HACD2: variants seen among roughly 807,000 people sequenced by gnomAD.
HACD2 encodes 3-hydroxyacyl-CoA dehydratase 2.
In HACD2, 15 loss-of-function variants were observed where a neutral mutation model predicts 31.0. The ratio of observed to expected loss-of-function variants is 0.48; its 90% confidence interval spans 0.32 to 0.75. HACD2 has a LOEUF of 0.75. Among genes scored for constraint, HACD2 ranks in the 30% least tolerant of loss-of-function variants. HACD2 has a pLI of 0.03. For missense variants in HACD2, 283 were observed against 313.0 expected (o/e 0.90, Z 0.72); for synonymous variants, 115 against 122.2 (o/e 0.94, Z 0.39).
chr3:123,493,843 A>T lies in HACD2; in HGVS notation c.*1045T>A, dbSNP rs1483527483. 1.3e-5 allele frequency: 2 copies of T among 152,234 alleles called. No individual in the cohort carries two copies. The highest frequency in any genetic ancestry group is 4.8e-5 in the African/African-American group (2 of 41,468). 9.4% of individuals were successfully genotyped at this position (152,234 alleles called of 1,614,324 possible). On this transcript the variant is annotated 3_prime_UTR_variant, in exon 7 of 7. Coordinates refer to ENST00000383657, the MANE Select transcript of HACD2 (RefSeq NM_198402.5). ...CTTATAGCTTGGTGGAAATTAACAT[A>T]GGAAGTTAATTAGCAAAAGTATCCA...
chr3:123,540,397 CTTGT>C (rs1022049209), intron 3 of HACD2, among the ~76,000 whole-genome samples: 1 of 152,172 alleles, frequency 6.6e-6, no homozygotes, highest in African/African-American at 2.4e-5. Context: ...TCCTCACTTG[CTTGT>C]TTACTTTTGA....
At chr3:123,584,539 G>A (rs953974678) in intron 1 of HACD2, 3 of 223,278 alleles carry the variant, frequency 1.3e-5, no homozygotes, top group Non-Finnish European at 2.6e-5. Flanking sequence ...GCTCCGCGCC[G>A]CAGGTAGTCC....
At chr3:123,550,438 G>C (rs1021623227) in intron 3 of HACD2, among the ~76,000 whole-genome samples, 6 of 152,170 alleles carry the variant, frequency 3.9e-5, no homozygotes, top group African/African-American at 7.2e-5. Context: ...AAGAGAAAAG[G>C]GGGAGATTTA....
chr3:123,534,505 G>A, intron 3 of HACD2, among the ~76,000 whole-genome samples: 1 of 151,786 alleles, frequency 6.6e-6, no homozygotes, highest in East Asian at 1.9e-4. Flanking sequence ...ATAAAATATA[G>A]CACAGTACAT....
intron 2 of HACD2, among the ~76,000 whole-genome samples, chr3:123,578,915 A>C (rs1702739569): frequency 6.6e-6 from 1 of 151,806 alleles, no homozygotes; most frequent in Admixed American, 6.6e-5. Flanking sequence ...TAGGCAATGA[A>C]AAACTCCTCA....
chr3:123,537,422 G>C (rs1214386213), intron 3 of HACD2, among the ~76,000 whole-genome samples: 1 of 151,972 alleles, frequency 6.6e-6, no homozygotes, highest in African/African-American at 2.4e-5. Flanking sequence ...TTAAAAAATA[G>C]CCGGGCATGG....
chr3:123,584,740 C>T (rs995496632), intron 1 of HACD2, 133 bp downstream of exon 1: 42 of 651,532 alleles, frequency 6.4e-5, no homozygotes, highest in Non-Finnish European at 9.4e-5. Flanking sequence ...GCCCAGGTAC[C>T]GGGTCCCGGG....
At chr3:123,554,728 T>C (rs764909212) in intron 3 of HACD2, among the ~76,000 whole-genome samples, 8 of 152,098 alleles carry the variant, frequency 5.3e-5, no homozygotes, top group African/African-American at 1.2e-4. Flanking sequence ...ATTAAAGTGA[T>C]TGATTAAGGG....
At chr3:123,529,874 G>A (rs755030102) in intron 3 of HACD2, among the ~76,000 whole-genome samples, 2 of 151,944 alleles carry the variant, frequency 1.3e-5, no homozygotes, top group Admixed American at 6.6e-5. Flanking sequence ...ACACTTAGAT[G>A]GGACAATATG....
chr3:123,536,474 G>T (rs184776714), intron 3 of HACD2, among the ~76,000 whole-genome samples: 20 of 152,264 alleles, frequency 1.3e-4, no homozygotes, highest in African/African-American at 4.8e-4. Flanking sequence ...CATCCAGGGG[G>T]AAAGTCAAAG....
chr3:123,584,079 G>A lies in HACD2; in HGVS notation c.155+794C>T, dbSNP rs1041898686. 2.6e-5 allele frequency among the ~76,000 whole-genome samples: 4 copies of A among 152,158 alleles called. No individual in the cohort carries two copies. The East Asian group carries it at 7.7e-4, about 29-fold the overall frequency. ...AAGATAAAGAATTGCAGAGCTGAAG[G>A]AACCTTCATCACCCAGACCAACCCT... On this transcript the variant is annotated intron_variant, in intron 1 of 6. Transcript: ENST00000383657.
At chr3:123,499,677 T>A (rs1472670885) in intron 6 of HACD2, 2 of 455,942 alleles carry the variant, frequency 4.4e-6, no homozygotes, top group East Asian at 1.4e-4. Flanking sequence ...CTTTTCTAGA[T>A]TAAAATAAGA....
At chr3:123,520,262 A>G (rs2056196419) in intron 4 of HACD2, among the ~76,000 whole-genome samples, 1 of 152,224 alleles carries the variant, frequency 6.6e-6, no homozygotes, top group Admixed American at 6.5e-5. Context: ...TACCAAATAT[A>G]CCTTATAAAT....
At chr3:123,495,596 T>G (rs890592063) in intron 6 of HACD2, among the ~76,000 whole-genome samples, 1 of 148,120 alleles carries the variant, frequency 6.8e-6, no homozygotes, top group African/African-American at 2.5e-5. Flanking sequence ...GTTTGGATGT[T>G]AAAAAAAAAA....
intron 2 of HACD2, among the ~76,000 whole-genome samples, chr3:123,572,046 T>C (rs576333708): frequency 6.6e-6 from 1 of 152,134 alleles, no homozygotes; most frequent in Non-Finnish European, 1.5e-5. Flanking sequence ...TCTCCAGTCA[T>C]TGTGGCAATT....
intron 3 of HACD2, among the ~76,000 whole-genome samples, chr3:123,552,782 G>A (rs1433069203): frequency 2.0e-5 from 3 of 151,530 alleles, no homozygotes; most frequent in East Asian, 3.9e-4. Context: ...ATTAAATTCA[G>A]TAAAAAAAAG....
At chr3:123,530,337 A>C (rs1470680671) in intron 3 of HACD2, among the ~76,000 whole-genome samples, 1 of 152,002 alleles carries the variant, frequency 6.6e-6, no homozygotes, top group African/African-American at 2.4e-5. Flanking sequence ...CTGCAGCCTC[A>C]AACTCCTGGG....
intron 4 of HACD2, among the ~76,000 whole-genome samples, chr3:123,522,132 C>A (rs1044067527): frequency 6.6e-6 from 1 of 152,030 alleles, no homozygotes; most frequent in African/African-American, 2.4e-5. Flanking sequence ...GGTTCGAGAC[C>A]GTGCCTCTAC....
intron 3 of HACD2, among the ~76,000 whole-genome samples, chr3:123,539,529 C>T (rs1414478216): frequency 6.6e-6 from 1 of 152,058 alleles, no homozygotes; most frequent in East Asian, 1.9e-4. Flanking sequence ...GAGATCTCAC[C>T]ACTACACTCC....
Sources: gnomAD v4.1 joint callset for allele counts (sites outside exome capture counted in the v4.1 genomes callset) on GRCh38, gnomAD v4.1.1 for gene constraint, MANE v1.5 for transcripts, NCBI Gene and HGNC (gene_info 2026-07-23, HGNC 2026-07-21) for gene names.